Variants in ERG observed in about 807,000 individuals in gnomAD.
The protein encoded by ERG is transcriptional regulator ERG.
ERG carries 9 observed loss-of-function variants against 55.3 expected under a neutral mutation model. The observed-to-expected ratio is 0.16, with a 90% CI of 0.10 to 0.28. The LOEUF (loss-of-function observed/expected upper bound fraction) is 0.28. Among genes scored for constraint, ERG ranks in the 10% least tolerant of loss-of-function variants. The probability of loss-of-function intolerance (pLI) is 1.00; values close to 1 mark genes in which losing one functional copy is unlikely to be tolerated. For synonymous variants in ERG, 223 were observed against 237.3 expected (o/e 0.94, Z 0.55); for missense variants, 434 against 631.6 (o/e 0.69, Z 3.35).
At chr21:38,629,570 A>G (rs2060345151) in intron 1 of ERG, among the ~76,000 whole-genome samples, 1 of 152,046 alleles carries the variant, frequency 6.6e-6, no homozygotes, top group African/African-American at 2.4e-5. Flanking sequence ...ACCACTTCAC[A>G]CTCATGAGGA....
intron 2 of ERG, among the ~76,000 whole-genome samples, chr21:38,435,129 A>G (rs1990389315): frequency 1.3e-5 from 2 of 152,160 alleles, no homozygotes; most frequent in Admixed American, 6.5e-5. Context: ...AACCCCCACA[A>G]GGAGGCTGGC....
intron 2 of ERG, among the ~76,000 whole-genome samples, chr21:38,507,784 G>A (rs1031465734): frequency 6.6e-6 from 1 of 152,118 alleles, no homozygotes. Flanking sequence ...ATGTGGCCAG[G>A]CCCAGCTGTG....
chr21:38,528,740 G>A (rs147285112), intron 2 of ERG, among the ~76,000 whole-genome samples: 2,971 of 41,344 alleles, frequency 0.072, 771 homozygotes, highest in African/African-American at 0.16. Flanking sequence ...GAGCCACCGC[G>A]CCCGGCCCAT....
chr21:38,569,381 C>T (rs139983440), intron 2 of ERG, among the ~76,000 whole-genome samples: 1 of 152,366 alleles, frequency 6.6e-6, no homozygotes, highest in East Asian at 1.9e-4. Flanking sequence ...TCAAGGAAGT[C>T]ACTTGACCAG....
At chr21:38,542,657 T>C (rs1445042857) in intron 2 of ERG, among the ~76,000 whole-genome samples, 7 of 152,222 alleles carry the variant, frequency 4.6e-5, no homozygotes, top group African/African-American at 1.7e-4. Context: ...ATCTGTCTTA[T>C]GCATGGCTAA....
intron 2 of ERG, among the ~76,000 whole-genome samples, chr21:38,432,570 A>C (rs1003244361): frequency 3.9e-5 from 6 of 152,158 alleles, no homozygotes. Flanking sequence ...GACTCTTTCC[A>C]CGTGTTTATG....
At chr21:38,423,991 G>C (rs1248593079) in intron 2 of ERG, among the ~76,000 whole-genome samples, 1 of 151,772 alleles carries the variant, frequency 6.6e-6, no homozygotes, top group Non-Finnish European at 1.5e-5. Context: ...AAAAAGAAAA[G>C]AAAAGAAAAG....
chr21:38,593,473 A>G (rs2060113381), intron 1 of ERG, among the ~76,000 whole-genome samples: 1 of 152,232 alleles, frequency 6.6e-6, no homozygotes, highest in Non-Finnish European at 1.5e-5. Flanking sequence ...CAAACACAAT[A>G]TATCTTTGAG....
At chr21:38,653,475 TAATTTCCACCTGTA>T in intron 1 of ERG, among the ~76,000 whole-genome samples, 1 of 152,332 alleles carries the variant, frequency 6.6e-6, no homozygotes, top group South Asian at 2.1e-4. Flanking sequence ...TGTCCTGTAT[TAATTTCCACCTGTA>T]GGTATTTATC....
chr21:38,646,790 T>C (rs113404028), intron 1 of ERG, among the ~76,000 whole-genome samples: 9,386 of 152,130 alleles, frequency 0.062, 922 homozygotes, highest in African/African-American at 0.21. Context: ...AGCATCTTTG[T>C]TGTTGTTGTT....
intron 2 of ERG, among the ~76,000 whole-genome samples, chr21:38,566,017 C>T (rs577567621): frequency 2.0e-5 from 3 of 152,252 alleles, no homozygotes; most frequent in African/African-American, 7.2e-5. Flanking sequence ...CTATAAAACT[C>T]CATTGTCACC....
chr21:38,465,325 T>C (rs1201891359), intron 1 of ERG, among the ~76,000 whole-genome samples: 1 of 152,208 alleles, frequency 6.6e-6, no homozygotes, highest in Non-Finnish European at 1.5e-5. Context: ...TATTATATGA[T>C]TCCAATTATA....
intron 1 of ERG, among the ~76,000 whole-genome samples, chr21:38,613,008 G>A (rs539080617): frequency 7.9e-5 from 12 of 152,048 alleles, no homozygotes; most frequent in African/African-American, 1.9e-4. Flanking sequence ...CCATGTTAAC[G>A]ATCTGTAGAT....
At chr21:38,389,542 T>C (rs918078694) in intron 9 of ERG, among the ~76,000 whole-genome samples, 2 of 151,648 alleles carry the variant, frequency 1.3e-5, no homozygotes, top group African/African-American at 4.9e-5. Flanking sequence ...CAAAACATAG[T>C]CATTATTTTT....
At chr21:38,598,775 T>C (rs2146907135) in intron 1 of ERG, among the ~76,000 whole-genome samples, 1 of 151,780 alleles carries the variant, frequency 6.6e-6, no homozygotes, top group African/African-American at 2.4e-5. Flanking sequence ...ATGTGTAGAG[T>C]TTTCTGGTTT....
chr21:38,603,377 T>C (rs561001415), intron 1 of ERG, among the ~76,000 whole-genome samples: 1 of 152,104 alleles, frequency 6.6e-6, no homozygotes, highest in South Asian at 2.1e-4. Flanking sequence ...TCCCAGCATT[T>C]TGGGAGGCCG....
At chr21:38,596,435 C>G (rs1468062952) in intron 1 of ERG, among the ~76,000 whole-genome samples, 5 of 152,172 alleles carry the variant, frequency 3.3e-5, no homozygotes, top group Non-Finnish European at 7.4e-5. Context: ...GCAGAGAAAG[C>G]AAACAGGAGG....
At chr21:38,598,753 G>T (rs181326912) in intron 1 of ERG, among the ~76,000 whole-genome samples, 1 of 152,212 alleles carries the variant, frequency 6.6e-6, no homozygotes, top group African/African-American at 2.4e-5. Flanking sequence ...GTCGCAGAGG[G>T]GAGCAGGGTG....
At chr21:38,461,352 A>C (rs2059040709) in intron 1 of ERG, among the ~76,000 whole-genome samples, 1 of 152,158 alleles carries the variant, frequency 6.6e-6, no homozygotes, top group Admixed American at 6.5e-5. Context: ...TAAGGGCCTC[A>C]TTTTAATTGG....
Sources: gnomAD v4.1 joint callset for allele counts (sites outside exome capture counted in the v4.1 genomes callset) on GRCh38, gnomAD v4.1.1 for gene constraint, MANE v1.5 for transcripts, NCBI Gene and HGNC (gene_info 2026-07-23, HGNC 2026-07-21) for gene names.